Variants in ST7 observed in about 807,000 individuals in gnomAD.
The protein encoded by ST7 is suppressor of tumorigenicity 7 protein.
A neutral mutation model predicts 78.7 loss-of-function variants in ST7; 28 were observed. The observed-to-expected ratio is 0.36, with a 90% confidence interval of 0.26 to 0.49. The LOEUF is 0.49. Ranked by LOEUF, ST7 falls within the 20% of genes least tolerant of loss-of-function variation. The pLI is 0.99. For synonymous variants in ST7, 247 were observed against 249.6 expected, an observed-to-expected ratio of 0.99 and a Z score of 0.10; for missense variants, 418 against 696.0, an observed-to-expected ratio of 0.60 and a Z score of 4.49.
intron 9 of ST7, among the ~76,000 whole-genome samples, chr7:117,151,988 A>G (rs993117691): frequency 6.6e-6 from 1 of 151,426 alleles, no homozygotes; most frequent in Non-Finnish European, 1.5e-5. Flanking sequence ...GTGTGGTGGC[A>G]CATGCCTGTA....
intron 1 of ST7, among the ~76,000 whole-genome samples, chr7:117,019,331 T>G (rs911982002): frequency 4.6e-5 from 7 of 152,242 alleles, no homozygotes; most frequent in Non-Finnish European, 7.3e-5. Context: ...TCTAGTACTT[T>G]TTCTTTAAAA....
chr7:117,225,978 C>T (rs1388433520), intron 15 of ST7, among the ~76,000 whole-genome samples: 6 of 152,230 alleles, frequency 3.9e-5, no homozygotes, highest in Admixed American at 3.9e-4. Flanking sequence ...TCATTCCAAA[C>T]CCACCTCCTC....
At chr7:117,172,804 T>C (rs1808096919) in intron 10 of ST7, among the ~76,000 whole-genome samples, 1 of 152,188 alleles carries the variant, frequency 6.6e-6, no homozygotes, top group Non-Finnish European at 1.5e-5. Context: ...CTATACTCAA[T>C]CTGATGTTAT....
At chr7:117,064,887 T>C (rs1444597267) in intron 1 of ST7, among the ~76,000 whole-genome samples, 1 of 152,182 alleles carries the variant, frequency 6.6e-6, no homozygotes, top group Non-Finnish European at 1.5e-5. Flanking sequence ...CATCGTATAT[T>C]GAAGCAGCTT....
rs190784532 is a variant in ST7 at position 116,972,796 on chromosome 7, C to G, written c.151+19105C>G. The G allele has an allele frequency of 2.9e-4, 276 of 958,634 alleles. No individual in the cohort carries two copies. The African/African-American group carries it at 4.0e-3, about 14-fold the overall frequency. The allele number at this position is 958,634 out of a possible 1,614,324, so 59.4% of individuals were successfully genotyped here. ...AGCCTCAGCCTGTTCCTGGGAACACCTTTCTCCCTCAACTTCTCACTGGAG... is the reference window on the plus strand; with the variant it reads ...AGCCTCAGCCTGTTCCTGGGAACACGTTTCTCCCTCAACTTCTCACTGGAG... On this transcript the variant is annotated intron_variant, in intron 1 of 15. Coordinates refer to ENST00000323984, the MANE Select transcript of ST7 (RefSeq NM_001369598.1).
chr7:117,090,736 T>C (rs1304614471), intron 1 of ST7: 1 of 167,120 alleles, frequency 6.0e-6, no homozygotes, highest in African/African-American at 2.4e-5. Flanking sequence ...GTCTTTCCTC[T>C]GTTCTTGACC....
intron 1 of ST7, among the ~76,000 whole-genome samples, chr7:117,040,779 T>G (rs1254145169): frequency 1.3e-5 from 2 of 152,238 alleles, no homozygotes; most frequent in Non-Finnish European, 1.5e-5. Flanking sequence ...GCTTCCATAT[T>G]TGCATTTAAA....
chr7:117,225,757 G>A, intron 15 of ST7, among the ~76,000 whole-genome samples: 1 of 152,150 alleles, frequency 6.6e-6, no homozygotes, highest in Non-Finnish European at 1.5e-5. Context: ...ACCCCCAGCT[G>A]CTGGCTTGGG....
chr7:117,023,353 G>A (rs1796024071), intron 1 of ST7, among the ~76,000 whole-genome samples: 1 of 152,144 alleles, frequency 6.6e-6, no homozygotes, highest in African/African-American at 2.4e-5. Context: ...TATGGCAATA[G>A]AATTAATAAA....
chr7:117,055,832 T>G (rs575655067), intron 1 of ST7, among the ~76,000 whole-genome samples: 1 of 152,158 alleles, frequency 6.6e-6, no homozygotes, highest in African/African-American at 2.4e-5. Context: ...ACAGAACTAA[T>G]AGGATAGATA....
At chr7:116,994,716 C>T (rs570299883) in intron 1 of ST7, among the ~76,000 whole-genome samples, 22 of 152,222 alleles carry the variant, frequency 1.4e-4, no homozygotes, top group Admixed American at 6.5e-4. Context: ...GGGAATACTT[C>T]GACATTGGAG....
At chr7:116,981,191 C>T (rs574757909) in intron 1 of ST7, among the ~76,000 whole-genome samples, 37 of 152,184 alleles carry the variant, frequency 2.4e-4, no homozygotes, top group African/African-American at 8.2e-4. Context: ...TCACTGCAGC[C>T]TCGACCTCCC....
At chr7:117,005,583 G>A (rs560526645) in intron 1 of ST7, among the ~76,000 whole-genome samples, 5 of 151,996 alleles carry the variant, frequency 3.3e-5, no homozygotes, top group African/African-American at 9.7e-5. Context: ...TTTCTTCTTC[G>A]CCTGTCACAC....
chr7:117,111,726 C>T (rs1802447134), intron 2 of ST7, among the ~76,000 whole-genome samples: 1 of 152,158 alleles, frequency 6.6e-6, no homozygotes. Flanking sequence ...CAGTTCCATC[C>T]ACAAGAACTG....
chr7:117,202,956 C>T (rs1047265670), intron 12 of ST7, among the ~76,000 whole-genome samples: 2 of 152,316 alleles, frequency 1.3e-5, no homozygotes, highest in African/African-American at 4.8e-5. Flanking sequence ...CCAGTGGGCC[C>T]TGCAGAACCG....
At chr7:117,225,600 C>T (rs945963698) in intron 15 of ST7, among the ~76,000 whole-genome samples, 1 of 152,164 alleles carries the variant, frequency 6.6e-6, no homozygotes, top group Non-Finnish European at 1.5e-5. Flanking sequence ...GCTCCCACGC[C>T]ACACCCCACA....
intron 1 of ST7, among the ~76,000 whole-genome samples, chr7:116,993,037 A>G (rs1328218813): frequency 6.6e-6 from 1 of 152,168 alleles, no homozygotes; most frequent in African/African-American, 2.4e-5. Context: ...CGCTATCAGC[A>G]TTTTGGGCAA....
In ST7 at chr7:117,219,148, A is replaced by G; in HGVS notation, c.1470A>G (p.Thr490=). The G allele has an allele frequency of 2.5e-6, 4 of 1,613,466 alleles. No homozygotes were observed. Among genetic ancestry groups the G allele is most frequent in the Non-Finnish European group, 3.4e-6 (4 of 1,179,772 alleles). ...GHLFYPYPIC[T]ETADRELLPS... ...TATTTTATCCTTACCCAATCTGTAC[A>G]GAAACAGCAGACCGAGAGCTGCTTC... Residue 490 remains threonine (T), a synonymous_variant, in exon 14 of 16, where the codon ACA becomes ACG. Coordinates refer to ENST00000323984, the MANE Select transcript of ST7 (RefSeq NM_001369598.1). The surrounding 1 kb of genome is among the most constrained non-coding windows in gnomAD (Gnocchi z 5.1).
intron 9 of ST7, among the ~76,000 whole-genome samples, chr7:117,150,695 G>A (rs555058532): frequency 6.6e-6 from 1 of 152,188 alleles, no homozygotes; most frequent in Admixed American, 6.5e-5. Flanking sequence ...CTAAATACAG[G>A]CTGTAAGGTA....
Sources: gnomAD v4.1 joint callset for allele counts (sites outside exome capture counted in the v4.1 genomes callset) on GRCh38, gnomAD v4.1.1 for gene constraint, Gnocchi (gnomAD v3.1) non-coding constraint, MANE v1.5 for transcripts, NCBI Gene and HGNC (gene_info 2026-07-23, HGNC 2026-07-21) for gene names.